The following MDM4 variants were observed in gnomAD, a reference collection of about 807,000 sequenced individuals.
The protein encoded by MDM4 is protein Mdm4.
In MDM4, 2 loss-of-function variants were observed where a neutral mutation model predicts 60.2. That is an observed-to-expected ratio of 0.03 (90% CI 0.01 to 0.10). The LOEUF is 0.10. Ranked by LOEUF, MDM4 falls within the 10% of genes least tolerant of loss-of-function variation. The pLI is 1.00. For missense variants in MDM4, 447 were observed against 577.5 expected, an observed-to-expected ratio of 0.77 and a Z score of 2.32; for synonymous variants, 202 against 198.1, an observed-to-expected ratio of 1.02 and a Z score of -0.17.
intron 3 of MDM4, among the ~76,000 whole-genome samples, chr1:204,527,903 A>C (rs1660381733): frequency 6.6e-6 from 1 of 151,856 alleles, no homozygotes; most frequent in African/African-American, 2.4e-5. Flanking sequence ...ACACCTATCA[A>C]CACTGCCACA....
intron 2 of MDM4, 60 bp from the exon 3 acceptor site, chr1:204,526,300 C>A: frequency 7.0e-7 from 1 of 1,422,102 alleles, no homozygotes; most frequent in Non-Finnish European, 9.9e-7. Flanking sequence ...TTCTCTTGTT[C>A]CATAGTTTCA....
In MDM4 at chr1:204,549,281, G is replaced by T. The variant is rs2102455634; in HGVS notation, c.1072G>T (p.Asp358Tyr). The T allele has an allele frequency of 1.2e-6, 2 of 1,614,180 alleles. No individual in the cohort carries two copies. Among genetic ancestry groups the T allele is most frequent in the Non-Finnish European group, 8.5e-7 (1 of 1,180,018 alleles). ...ACCTGAAAAGGAAAATGAAGGAAAT[G>T]ATGTCCCTGATTGTCGAAGAACCAT... ...AIPEKENEGN[D>Y]VPDCRRTISA... is the part of the protein sequence containing the mutation. The change falls in exon 11 of 11, where the codon GAT becomes TAT. Residue 358 changes from aspartate to tyrosine, a missense_variant. Transcript: ENST00000367182.
At position 204,526,364 on chromosome 1, in the gene MDM4, G is replaced by T. The variant is rs771203637; in HGVS notation, c.83G>T (p.Arg28Leu). 4.3e-6 allele frequency: 7 copies of T among 1,613,304 alleles called. No homozygotes were observed. Among genetic ancestry groups the T allele is most frequent in the Non-Finnish European group, 5.9e-6 (7 of 1,179,400 alleles). The change falls in exon 3 of 11, where the codon CGA (arginine) becomes CTA (leucine). Residue 28 changes from arginine to leucine, a missense_variant. Arg to Leu is a moderately radical substitution (Grantham distance 102). Around this residue, in one of 8 missense-constraint regions of MDM4, gnomAD observed 31 missense variants for 87.6 expected, o/e 0.35. Transcript: ENST00000367182. ...RISPGQINQV[R>L]PKLPLLKILH... ...TTTATTTTATGTTTATATCAGGTAC[G>T]ACCAAAACTGCCGCTTTTGAAGATT...
intron 1 of MDM4, among the ~76,000 whole-genome samples, chr1:204,520,719 T>TA (rs1480878047): frequency 6.6e-6 from 1 of 151,602 alleles, no homozygotes; most frequent in African/African-American, 2.4e-5. Flanking sequence ...CTACAAAAAA[T>TA]AAAAAAATTA....
In MDM4 at chr1:204,551,389, T is replaced by C; in HGVS notation, c.*1707T>C. 4.3e-6 allele frequency: 1 copy of C among 230,980 alleles called. No individual in the cohort carries two copies. Among genetic ancestry groups the C allele is most frequent in the Non-Finnish European group, 8.5e-6 (1 of 117,044 alleles). 14.3% of individuals were successfully genotyped at this position (230,980 alleles called of 1,614,324 possible). A position where few individuals can be genotyped will look rare whatever the true frequency, so the allele number is the denominator to read the frequency against. ...TCATTTAGATTTTTTTTGATCCTTT[T>C]GTTTAGTGCCTCTGGAGCTGCTTAC... On this transcript the variant is annotated 3_prime_UTR_variant, in exon 11 of 11. Coordinates refer to ENST00000367182, the MANE Select transcript of MDM4 (RefSeq NM_002393.5).
At chr1:204,537,801 T>G in intron 6 of MDM4, 1 of 606,948 alleles carries the variant, frequency 1.6e-6, no homozygotes, top group South Asian at 1.7e-5. Flanking sequence ...TAGATTTTAA[T>G]AGGCGTGTTG....
At chr1:204,528,927 A>T (rs1204092662) in intron 3 of MDM4, 1 of 1,593,486 alleles carries the variant, frequency 6.3e-7, no homozygotes, top group East Asian at 2.2e-5. Context: ...CTTCTCCCGG[A>T]AGGCCTCTGT....
At chr1:204,548,398 G>C (rs951929204) in intron 10 of MDM4, among the ~76,000 whole-genome samples, 2 of 152,282 alleles carry the variant, frequency 1.3e-5, no homozygotes, top group Middle Eastern at 3.4e-3. Flanking sequence ...ATCAAGTTCA[G>C]CTTATGTCAA....
In MDM4 at chr1:204,531,012, T is replaced by C. The variant is rs923699327; in HGVS notation, c.287+195T>C. Among the ~76,000 whole-genome samples, 3 of 152,068 alleles carry C rather than the reference T, an allele frequency of 2.0e-5. No individual in the cohort carries two copies. The East Asian group carries it at 5.8e-4, about 29-fold the overall frequency. ...TTTATGGAGTATACAGAGTAGTGAG[T>C]CAGTAGATGCTCTTGCCCATCTTAG... On this transcript the variant is annotated intron_variant, in intron 4 of 10. Transcript: ENST00000367182.
At position 204,556,008 on chromosome 1, in the gene MDM4, G is replaced by A. The variant is rs1274278026; in HGVS notation, c.*6326G>A. The A allele has an allele frequency of 4.7e-6, 1 of 212,206 alleles. No individual in the cohort carries two copies. Among genetic ancestry groups the A allele is most frequent in the South Asian group, 1.9e-4 (1 of 5,338 alleles). 13.1% of individuals were successfully genotyped at this position (212,206 alleles called of 1,614,324 possible). A position where few individuals can be genotyped will look rare whatever the true frequency, so the allele number is the denominator to read the frequency against. Reference sequence around the variant, plus strand: ...TAGTCCCCTGTCAACAGTAGCAAATGTGGTTTCATAAAGTGGGAAGAAAAC... The same window carrying A: ...TAGTCCCCTGTCAACAGTAGCAAATATGGTTTCATAAAGTGGGAAGAAAAC... On this transcript the variant is annotated 3_prime_UTR_variant, in exon 11 of 11. Transcript: ENST00000367182.
At chr1:204,540,763 CAA>C (rs535728954) in intron 7 of MDM4, among the ~76,000 whole-genome samples, 1 of 152,106 alleles carries the variant, frequency 6.6e-6, no homozygotes, top group African/African-American at 2.4e-5. Context: ...GACTTTGTCT[CAA>C]AAAACAAACA....
intron 3 of MDM4, chr1:204,529,501 C>A: frequency 6.6e-7 from 1 of 1,518,442 alleles, no homozygotes; most frequent in Non-Finnish European, 8.9e-7. Flanking sequence ...TTGAGGTGTC[C>A]ATAGGGCCCT....
rs1662442155 is a variant in MDM4, at chr1:204,544,406, C to T, written c.673-129C>T. The T allele has an allele frequency of 2.2e-5, 19 of 848,532 alleles. No individual in the cohort carries two copies. In the South Asian group the frequency reaches 2.9e-4, roughly 13 times the overall value. The allele number at this position is 848,532 out of a possible 1,614,324, so 52.6% of individuals were successfully genotyped here. A position where few individuals can be genotyped will look rare whatever the true frequency, so the allele number is the denominator to read the frequency against. ...TATATGTTGAATGAATACATGTCCA[C>T]TGAATAAAGGCAAGATGTTCTTTGG... On this transcript the variant is annotated intron_variant, in intron 8 of 10. Coordinates refer to ENST00000367182, the MANE Select transcript of MDM4 (RefSeq NM_002393.5).
At chr1:204,547,495 GA>G (rs1662782755) in intron 10 of MDM4, among the ~76,000 whole-genome samples, 1 of 152,156 alleles carries the variant, frequency 6.6e-6, no homozygotes, top group African/African-American at 2.4e-5. Context: ...CACACTATGG[GA>G]AAAAGGTTGG....
In MDM4 at chr1:204,553,143, G is replaced by T. The variant is rs1663344597; in HGVS notation, c.*3461G>T. On this transcript the variant is annotated 3_prime_UTR_variant, in exon 11 of 11. Transcript: ENST00000367182. ...CCACCTCAGCCTCGCAAAGTGCTGA[G>T]ATTACAGGCATGAGCCACAGCGCCC... The T allele has an allele frequency of 5.6e-6, 1 of 178,656 alleles. No individual in the cohort carries two copies. The highest frequency in any genetic ancestry group is 2.4e-5 in the African/African-American group (1 of 42,286). 11.1% of individuals were successfully genotyped at this position (178,656 alleles called of 1,614,324 possible).
In MDM4 at chr1:204,556,421, G is replaced by A. The variant is rs1013131005; in HGVS notation, c.*6739G>A. The A allele has an allele frequency of 4.4e-6, 1 of 227,002 alleles. No individual in the cohort carries two copies. The highest frequency in any genetic ancestry group is 8.8e-6 in the Non-Finnish European group (1 of 114,092). 14.1% of individuals were successfully genotyped at this position (227,002 alleles called of 1,614,324 possible). ...GCACTAAGAAATTGAGGTCAGGCCA[G>A]GCGCGGTGGTTCACTCCTGTTATTC... On this transcript the variant is annotated 3_prime_UTR_variant, in exon 11 of 11. Coordinates refer to ENST00000367182, the MANE Select transcript of MDM4 (RefSeq NM_002393.5).
chr1:204,553,591 C>T lies in MDM4; in HGVS notation c.*3909C>T, dbSNP rs995029985. 8.8e-6 allele frequency: 2 copies of T among 228,382 alleles called. No individual in the cohort carries two copies. The highest frequency in any genetic ancestry group is 1.7e-5 in the Non-Finnish European group (2 of 115,056). The allele number at this position is 228,382 out of a possible 1,614,324, so 14.1% of individuals were successfully genotyped here. ...CTGTAGACTATGAATAATGAAATCA[C>T]ACCACATTACCATCAGATTTCTTGT... is the stretch of plus-strand genomic sequence containing the variant. On this transcript the variant is annotated 3_prime_UTR_variant, in exon 11 of 11. Coordinates refer to ENST00000367182, the MANE Select transcript of MDM4 (RefSeq NM_002393.5).
chr1:204,528,820 C>G, intron 3 of MDM4: 1 of 1,448,820 alleles, frequency 6.9e-7, no homozygotes, highest in Non-Finnish European at 9.6e-7. Flanking sequence ...CCCTGGTGCA[C>G]TCCACTCTCC....
intron 5 of MDM4, chr1:204,537,047 T>C (rs1236140874): frequency 1.1e-5 from 2 of 175,610 alleles, no homozygotes; most frequent in Non-Finnish European, 2.4e-5. Flanking sequence ...CCATACACTC[T>C]TTTCCTTTTG....
Sources: gnomAD v4.1 joint callset for allele counts (sites outside exome capture counted in the v4.1 genomes callset) on GRCh38, gnomAD v4.1.1 for gene constraint, gnomAD v4.1.1 regional missense constraint, MANE v1.5 for transcripts, NCBI Gene and HGNC (gene_info 2026-07-23, HGNC 2026-07-21) for gene names.